Variants in SLC26A11 observed in about 807,000 individuals in gnomAD.
The protein encoded by SLC26A11 is solute carrier family 26 member 11.
SLC26A11 carries 58 observed loss-of-function variants against 62.2 expected under a neutral mutation model. The ratio of observed to expected loss-of-function variants is 0.93; its 90% CI spans 0.76 to 1.16. The LOEUF (loss-of-function observed/expected upper bound fraction) is 1.16. SLC26A11 is among the 50% of genes most tolerant of loss of function. The pLI is 0.00. For synonymous variants in SLC26A11, 411 were observed against 368.9 expected (o/e 1.11, Z -1.31); for missense variants, 790 against 794.3 (o/e 0.99, Z 0.06).
At chr17:80,224,248 AGTGTGTGAGTGTGTGC>A (rs1567943559) in intron 5 of SLC26A11, among the ~76,000 whole-genome samples, 1 of 147,908 alleles carries the variant, frequency 6.8e-6, no homozygotes, top group East Asian at 2.0e-4. Context: ...GGTTTGAGGG[AGTGTGTGAGTGTGTGC>A]GTGTGTGAGT....
At chr17:80,241,674 C>T (rs1243851503) in intron 9 of SLC26A11, 97 bp from the exon 10 acceptor site, 11 of 1,238,742 alleles carry the variant, frequency 8.9e-6, no homozygotes, top group Non-Finnish European at 1.2e-5. Flanking sequence ...AACTTATTGC[C>T]GTGTGTAGAA....
intron 7 of SLC26A11, among the ~76,000 whole-genome samples, chr17:80,230,394 G>T (rs1285268661): frequency 6.6e-6 from 1 of 152,090 alleles, no homozygotes; most frequent in African/African-American, 2.4e-5. Context: ...GTAGGGCCAT[G>T]TCAGAGGACA....
chr17:80,246,417 C>G lies in SLC26A11; in HGVS notation c.1154-92C>G. 3 of 1,551,916 alleles carry G rather than the reference C, an allele frequency of 1.9e-6. No homozygotes were observed. In the East Asian group the frequency reaches 6.8e-5, roughly 35 times the overall value. On this transcript the variant is annotated intron_variant, in intron 12 of 17. Transcript: ENST00000361193. The surrounding 1 kb of genome is among the most constrained non-coding windows in gnomAD (Gnocchi z 4.4). Reference sequence around the variant, plus strand: ...GTCGTCGCCCTACCCCCACCCCTGTCCCCAGTGGGCTCTGCTGAACAAGAG... The same window carrying G: ...GTCGTCGCCCTACCCCCACCCCTGTGCCCAGTGGGCTCTGCTGAACAAGAG...
chr17:80,246,235 G>A lies in SLC26A11; in HGVS notation c.1153+26G>A. 1 of 1,601,328 alleles carries A rather than the reference G, an allele frequency of 6.2e-7. No individual in the cohort carries two copies. Among genetic ancestry groups the A allele is most frequent in the Non-Finnish European group, 8.5e-7 (1 of 1,174,960 alleles). On this transcript the variant is annotated intron_variant, in intron 12 of 17. Coordinates refer to ENST00000361193, the MANE Select transcript of SLC26A11 (RefSeq NM_001166347.2). This position sits in a 1 kb window ranked among gnomAD's most constrained non-coding sequence, Gnocchi z 4.4. ...GTAAGGCCCCCCATCTTCCCCTTGT[G>A]CCCGCAGCCCTGAGAGTGGGAGAAA...
rs1418173948 is a variant in SLC26A11, at chr17:80,246,870, C to A, written c.1294+221C>A. Among the ~76,000 whole-genome samples, 8 of 152,078 alleles carry A rather than the reference C, an allele frequency of 5.3e-5. No individual in the cohort carries two copies. Among genetic ancestry groups the A allele is most frequent in the Admixed American group, 6.5e-5 (1 of 15,276 alleles). On this transcript the variant is annotated intron_variant, in intron 13 of 17. Coordinates refer to ENST00000361193, the MANE Select transcript of SLC26A11 (RefSeq NM_001166347.2). This position sits in a 1 kb window ranked among gnomAD's most constrained non-coding sequence, Gnocchi z 4.4. ...AGCTCCTTGTCCTGACACCTGGGGTCTTGAGGCGAGCACTGACCCGGGGGA... is the reference window on the plus strand; with the variant it reads ...AGCTCCTTGTCCTGACACCTGGGGTATTGAGGCGAGCACTGACCCGGGGGA...
intron 5 of SLC26A11, among the ~76,000 whole-genome samples, chr17:80,224,406 AGT>A (rs745938806): frequency 1.5e-4 from 18 of 116,186 alleles, no homozygotes; most frequent in African/African-American, 3.6e-4. Context: ...TGAGTGTGAG[AGT>A]GAGTGTGAGT....
At position 80,246,852 on chromosome 17, in the gene SLC26A11, T is replaced by C. The variant is rs368177693; in HGVS notation, c.1294+203T>C. Among the ~76,000 whole-genome samples the C allele has an allele frequency of 1.9e-4, 29 of 152,096 alleles. No individual in the cohort carries two copies. Among genetic ancestry groups the C allele is most frequent in the African/African-American group, 6.8e-4 (28 of 41,420 alleles). ...CTCAGTGGGAAGAGCTGGAGCTCCT[T>C]GTCCTGACACCTGGGGTCTTGAGGC... is the stretch of plus-strand genomic sequence containing the variant. On this transcript the variant is annotated intron_variant, in intron 13 of 17. Transcript: ENST00000361193. This position sits in a 1 kb window ranked among gnomAD's most constrained non-coding sequence, Gnocchi z 4.4.
At chr17:80,221,196 CG>C in intron 2 of SLC26A11, 81 bp downstream of exon 2, 1 of 215,992 alleles carries the variant, frequency 4.6e-6, no homozygotes, top group Non-Finnish European at 9.1e-6. Context: ...CAAAGGAAGT[CG>C]GTTCTCCAGG....
Position 80,222,739 on chromosome 17 carries a change from A to C in SLC26A11, c.319A>C (p.Ile107Leu). The change falls in exon 4 of 18, where the codon ATT becomes CTT. Residue 107 changes from isoleucine (I) to leucine (L), a missense_variant. Physicochemically the swap from Ile to Leu is conservative, Grantham distance 5 (BLOSUM62 2). Transcript: ENST00000361193. The surrounding 1 kb of genome is among the most constrained non-coding windows in gnomAD (Gnocchi z 4.7). Reference protein sequence around the residue: ...SRDVTLGPTAIMSLLVSFYTF... With the variant: ...SRDVTLGPTALMSLLVSFYTF... ...GGATGTGACTCTGGGCCCCACCGCC[A>C]TTATGTCCCTCCTGGTCTCCTTCTA... is the stretch of plus-strand genomic sequence containing the variant. 6.2e-7 allele frequency: 1 copy of C among 1,614,042 alleles called. No homozygotes were observed. Among genetic ancestry groups the C allele is most frequent in the Non-Finnish European group, 8.5e-7 (1 of 1,180,024 alleles).
Position 80,248,214 on chromosome 17 carries a change from C to G in SLC26A11, c.1379C>G (p.Ser460Cys). The G allele has an allele frequency of 6.2e-7, 1 of 1,609,840 alleles. No individual in the cohort carries two copies. Among genetic ancestry groups the G allele is most frequent in the Non-Finnish European group, 8.5e-7 (1 of 1,179,564 alleles). The change falls in exon 14 of 18, where the codon TCT (serine) becomes TGT (cysteine). Residue 460 changes from serine to cysteine, a missense_variant. Physicochemically the swap from Ser to Cys is moderately radical, Grantham distance 112. Coordinates refer to ENST00000361193, the MANE Select transcript of SLC26A11 (RefSeq NM_001166347.2). ...GGCATCCTGGCCGGGGCCCTGGTGTCTCTGCTCATGCTCCTGCACTCTGCA... is the reference window on the plus strand; with the variant it reads ...GGCATCCTGGCCGGGGCCCTGGTGTGTCTGCTCATGCTCCTGCACTCTGCA... Reference protein sequence around the residue: ...QYGILAGALVSLLMLLHSAAR... With the variant: ...QYGILAGALVCLLMLLHSAAR...
chr17:80,226,410 G>A (rs9897199), intron 6 of SLC26A11, among the ~76,000 whole-genome samples: 34,906 of 151,950 alleles, frequency 0.23, 4,590 homozygotes, highest in East Asian at 0.59. Flanking sequence ...GGTTTAAAGA[G>A]CCTCTGATGG....
intron 7 of SLC26A11, among the ~76,000 whole-genome samples, chr17:80,235,295 T>C (rs1376487269): frequency 6.6e-6 from 1 of 152,208 alleles, no homozygotes; most frequent in Non-Finnish European, 1.5e-5. Flanking sequence ...TTACAGTTAC[T>C]CTTTTAATGT....
chr17:80,226,110 A>G (rs953580203), intron 6 of SLC26A11, among the ~76,000 whole-genome samples, 194 bp downstream of exon 6: 1 of 152,102 alleles, frequency 6.6e-6, no homozygotes, highest in African/African-American at 2.4e-5. Flanking sequence ...TATCAGAGCC[A>G]CAGTTTTAAC....
rs1003337411 is a variant in SLC26A11, at chr17:80,252,034, C to T, written c.1730-591C>T. Among the ~76,000 whole-genome samples the T allele has an allele frequency of 6.6e-6, 1 of 152,116 alleles. No individual in the cohort carries two copies. The highest frequency in any genetic ancestry group is 2.4e-5 in the African/African-American group (1 of 41,430). ...GGCCGGGTCAGGAGATCCAGAAGCCCCGGGACAGAAGGTACGGGAGGGACA... is the reference window on the plus strand; with the variant it reads ...GGCCGGGTCAGGAGATCCAGAAGCCTCGGGACAGAAGGTACGGGAGGGACA... On this transcript the variant is annotated intron_variant, in intron 17 of 17. Transcript: ENST00000361193. The surrounding 1 kb of genome is among the most constrained non-coding windows in gnomAD (Gnocchi z 5.2).
At chr17:80,243,372 G>A (rs1468402921) in intron 10 of SLC26A11, among the ~76,000 whole-genome samples, 3 of 150,546 alleles carry the variant, frequency 2.0e-5, no homozygotes, top group African/African-American at 7.5e-5. Flanking sequence ...ATTTCCCAGA[G>A]CATCCCATTC....
intron 13 of SLC26A11, among the ~76,000 whole-genome samples, chr17:80,247,616 A>G (rs1435087666): frequency 6.6e-6 from 1 of 152,232 alleles, no homozygotes; most frequent in Non-Finnish European, 1.5e-5. Context: ...TTCGCGTGCC[A>G]GTGCGCTGGG....
chr17:80,220,700 C>T (rs2042131328), intron 1 of SLC26A11, among the ~76,000 whole-genome samples: 1 of 151,978 alleles, frequency 6.6e-6, no homozygotes, highest in Admixed American at 6.5e-5. Context: ...GGACCGCGGA[C>T]GGTCAGGTGG....
At chr17:80,248,086 C>T (rs776872918) in intron 13 of SLC26A11, 44 bp from the exon 14 acceptor site, 1 of 1,559,786 alleles carries the variant, frequency 6.4e-7, no homozygotes, top group Admixed American at 1.8e-5. Flanking sequence ...ATGTTGGGGC[C>T]TCGGGCAGCT....
At chr17:80,233,999 GTTAT>G (rs974195312) in intron 7 of SLC26A11, among the ~76,000 whole-genome samples, 45 of 151,702 alleles carry the variant, frequency 3.0e-4, no homozygotes, top group African/African-American at 9.4e-4. Context: ...TTAAAAAAAA[GTTAT>G]TTATTATTTT....
Sources: allele counts gnomAD v4.1 joint callset (sites outside exome capture counted in the v4.1 genomes callset), GRCh38; gene constraint gnomAD v4.1.1; non-coding constraint Gnocchi (gnomAD v3.1); transcripts MANE v1.5; gene names NCBI Gene and HGNC (gene_info 2026-07-23, HGNC 2026-07-21).